FAM209A: variants seen among roughly 807,000 people sequenced by gnomAD.
FAM209A encodes the protein protein FAM209A.
FAM209A carries 4 observed loss-of-function variants against 9.8 expected under a neutral mutation model. The ratio of observed to expected loss-of-function variants is 0.41; its 90% CI spans 0.20 to 0.94. FAM209A has a LOEUF of 0.94. Among genes scored for constraint, FAM209A ranks in the 40% least tolerant of loss-of-function variants. The pLI is 0.32. For synonymous variants in FAM209A, 55 were observed against 77.8 expected (o/e 0.71, Z 1.54); for missense variants, 205 against 209.4 (o/e 0.98, Z 0.13).
the FAM209A span, chr20:56,533,320 C>T: frequency 1.2e-6 from 2 of 1,612,622 alleles, no homozygotes; most frequent in Admixed American, 3.3e-5. Flanking sequence ...ATGAGCAACT[C>T]CCTTCCCCAT....
rs1985459442 is a variant in FAM209A, at chr20:56,525,022, A to T, written c.214A>T (p.Ile72Leu). The change falls in exon 1 of 2, where the codon ATA becomes TTA. Residue 72 changes from isoleucine to leucine, a missense_variant. Ile to Leu is a conservative substitution (Grantham distance 5, BLOSUM62 2). Coordinates refer to ENST00000371328, the MANE Select transcript of FAM209A (RefSeq NM_001012971.4). Reference protein sequence around the residue: ...WLLFVVVPFVILQCQRDSEKN... With the variant: ...WLLFVVVPFVLLQCQRDSEKN... ...TCTTTTTGTTGTTGTGCCGTTTGTG[A>T]TACTGCAGTGTCAAAGAGACAGTGA... The T allele has an allele frequency of 2.5e-6, 4 of 1,614,070 alleles. No homozygotes were observed. The South Asian group carries it at 4.4e-5, about 18-fold the overall frequency.
chr20:56,530,122 A>C (rs1192201548), downstream of FAM209A, among the ~76,000 whole-genome samples: 1 of 127,352 alleles, frequency 7.9e-6, no homozygotes, highest in Non-Finnish European at 1.6e-5. Flanking sequence ...CCATCCACCC[A>C]CCCACTAACC....
Position 56,525,832 on chromosome 20 carries a change from G to A in FAM209A, c.278G>A (p.Gly93Asp), listed in dbSNP as rs1054341. Residue 93 changes from glycine to aspartate, a missense_variant, in exon 2 of 2, where the codon GGC (glycine) becomes GAC (aspartate). Coordinates refer to ENST00000371328, the MANE Select transcript of FAM209A (RefSeq NM_001012971.4). The part of the protein sequence containing the change: ...KEQSPPGLRG[G>D]QLHSPLKKKR... ...CAGAGTCCTCCTGGCCTTCGAGGCG[G>A]CCAACTTCACTCTCCATTAAAGAAA... The A allele has an allele frequency of 6.2e-7, 1 of 1,613,934 alleles. No individual in the cohort carries two copies. Among genetic ancestry groups the A allele is most frequent in the Admixed American group, 1.7e-5 (1 of 59,986 alleles).
chr20:56,531,911 G>A, the FAM209A span, among the ~76,000 whole-genome samples: 1 of 151,430 alleles, frequency 6.6e-6, no homozygotes, highest in Non-Finnish European at 1.5e-5. Flanking sequence ...TTACAGGTGT[G>A]AGCCCCTGCC....
rs140215421 is a variant in FAM209A, at chr20:56,524,808, C to T, written c.-1C>T. On this transcript the variant is annotated 5_prime_UTR_variant, in exon 1 of 2. Transcript: ENST00000371328. ...AACTCCCTTCCCCATCTCTGCTCACCATGTGGACGCTGAAATCGTCCCTGG... is the reference window on the plus strand; with the variant it reads ...AACTCCCTTCCCCATCTCTGCTCACTATGTGGACGCTGAAATCGTCCCTGG... 17 of 1,614,128 alleles carry T rather than the reference C, an allele frequency of 1.1e-5. No homozygotes were observed. The African/African-American group carries it at 2.3e-4, about 22-fold the overall frequency.
rs769417918 is a variant in FAM209A at position 56,524,974 on chromosome 20, C to T, written c.166C>T (p.Leu56Phe). Residue 56 changes from leucine to phenylalanine, a missense_variant, in exon 1 of 2, where the codon CTT becomes TTT. Transcript: ENST00000371328. ...TCTACCAGAGCACACCCAAGGCTGGCTTGGGAGCAAATGGCTCTGGCTTCT... is the reference window on the plus strand; with the variant it reads ...TCTACCAGAGCACACCCAAGGCTGGTTTGGGAGCAAATGGCTCTGGCTTCT... ...QNLPEHTQGW[L>F]GSKWLWLLFV... The T allele has an allele frequency of 1.9e-6, 3 of 1,614,188 alleles. No homozygotes were observed. The South Asian group carries it at 3.3e-5, about 18-fold the overall frequency.
downstream of FAM209A, among the ~76,000 whole-genome samples, chr20:56,527,205 G>A (rs1268438794): frequency 2.6e-5 from 4 of 151,962 alleles, no homozygotes; most frequent in Non-Finnish European, 5.9e-5. Context: ...TGGACTTACA[G>A]GTGTGTTTTT....
chr20:56,524,916 G>A lies in FAM209A; in HGVS notation c.108G>A (p.Val36=), dbSNP rs764942222. Residue 36 remains valine (V), a synonymous_variant, in exon 1 of 2, where the codon GTG becomes GTA. Transcript: ENST00000371328. ...AAACTAGCGAACCCCAGGGGAAGGTGCAATACGGAGAGCACTTTCGGATTC... is the reference window on the plus strand; with the variant it reads ...AAACTAGCGAACCCCAGGGGAAGGTACAATACGGAGAGCACTTTCGGATTC... ...RQKTSEPQGK[V]QYGEHFRIRQ... The A allele has an allele frequency of 6.2e-7, 1 of 1,613,870 alleles. No homozygotes were observed. Among genetic ancestry groups the A allele is most frequent in the South Asian group, 1.1e-5 (1 of 91,072 alleles).
intron 1 of FAM209A, 127 bp from the exon 2 acceptor site, chr20:56,525,677 C>A: frequency 1.0e-6 from 1 of 956,944 alleles, no homozygotes; most frequent in Non-Finnish European, 1.6e-6. Flanking sequence ...AGGGAGGGTG[C>A]GAATATCTTC....
downstream of FAM209A, among the ~76,000 whole-genome samples, chr20:56,528,088 C>T (rs891697663): frequency 4.6e-5 from 7 of 151,896 alleles, no homozygotes; most frequent in African/African-American, 1.5e-4. Context: ...GCCTGGGCAA[C>T]AGAGCTAGAC....
chr20:56,525,015 G>A lies in FAM209A; in HGVS notation c.207G>A (p.Pro69=), dbSNP rs550652792. 1.7e-5 allele frequency: 28 copies of A among 1,614,172 alleles called. No individual in the cohort carries two copies. The highest frequency in any genetic ancestry group is 2.2e-5 in the South Asian group (2 of 91,080). The change falls in exon 1 of 2, where the codon CCG becomes CCA. Residue 69 remains proline, a synonymous_variant. Coordinates refer to ENST00000371328, the MANE Select transcript of FAM209A (RefSeq NM_001012971.4). ...KWLWLLFVVV[P]FVILQCQRDS... ...TCTGGCTTCTTTTTGTTGTTGTGCC[G>A]TTTGTGATACTGCAGTGTCAAAGAG...
At chr20:56,532,478 T>TAC in the FAM209A span, among the ~76,000 whole-genome samples, 8 of 120,010 alleles carry the variant, frequency 6.7e-5, no homozygotes, top group East Asian at 2.0e-3. Context: ...CTTTTTCTTT[T>TAC]TCTTTTTTTT....
the FAM209A span, among the ~76,000 whole-genome samples, chr20:56,531,465 A>T: frequency 1.3e-5 from 2 of 149,304 alleles, no homozygotes; most frequent in African/African-American, 2.5e-5. Flanking sequence ...TGCCCAGCTA[A>T]TTTTTTTGTA....
chr20:56,533,411 T>C, the FAM209A span: 1 of 1,614,028 alleles, frequency 6.2e-7, no homozygotes, highest in Middle Eastern at 1.6e-4. Flanking sequence ...TATGTTCTCT[T>C]CTCTGAGACA....
Position 56,525,854 on chromosome 20 carries a change from GAAA to G in FAM209A, c.305_307del (p.Lys102del), listed in dbSNP as rs1316850905. ...GCGGCCAACTTCACTCTCCATTAAAGAAAAAAAGAAATGCTTCCCCCAACAAAG... is the reference window on the plus strand; with the variant it reads ...GCGGCCAACTTCACTCTCCATTAAAGAAAAGAAATGCTTCCCCCAACAAAG... On this transcript the variant is annotated inframe_deletion, in exon 2 of 2. Transcript: ENST00000371328. The G allele has an allele frequency of 2.8e-5, 45 of 1,614,044 alleles. No homozygotes were observed. The highest frequency in any genetic ancestry group is 3.8e-5 in the Non-Finnish European group (45 of 1,179,976).
the FAM209A span, among the ~76,000 whole-genome samples, chr20:56,531,394 G>A: frequency 2.6e-5 from 4 of 151,380 alleles, no homozygotes; most frequent in African/African-American, 9.7e-5. Context: ...TGCCTCCCAG[G>A]TTCAAGCAAT....
At chr20:56,531,418 C>T in the FAM209A span, among the ~76,000 whole-genome samples, 1 of 151,560 alleles carries the variant, frequency 6.6e-6, no homozygotes, top group Admixed American at 6.6e-5. Context: ...CCTGCCTCAG[C>T]CTCCCGAGTA....
Position 56,524,904 on chromosome 20 carries a change from C to A in FAM209A, c.96C>A (p.Pro32=). The change falls in exon 1 of 2, where the codon CCC becomes CCA. Residue 32 remains proline, a synonymous_variant. Transcript: ENST00000371328. Reference sequence around the variant, plus strand: ...CTCTGAGACAGAAAACTAGCGAACCCCAGGGGAAGGTGCAATACGGAGAGC... The same window carrying A: ...CTCTGAGACAGAAAACTAGCGAACCACAGGGGAAGGTGCAATACGGAGAGC... The part of the protein sequence containing the change: ...FSSLRQKTSE[P]QGKVQYGEHF... The A allele has an allele frequency of 6.2e-7, 1 of 1,613,940 alleles. No individual in the cohort carries two copies. Among genetic ancestry groups the A allele is most frequent in the Non-Finnish European group, 8.5e-7 (1 of 1,179,854 alleles).
chr20:56,530,848 T>TG (rs1985720868), downstream of FAM209A, among the ~76,000 whole-genome samples: 1 of 151,948 alleles, frequency 6.6e-6, no homozygotes, highest in African/African-American at 2.4e-5. Flanking sequence ...CAGAGCTCAG[T>TG]ACAATTTAAG....
Sources: allele counts gnomAD v4.1 joint callset (sites outside exome capture counted in the v4.1 genomes callset), GRCh38; gene constraint gnomAD v4.1.1; transcripts MANE v1.5; gene names NCBI Gene and HGNC (gene_info 2026-07-23, HGNC 2026-07-21).